The following PLXNA4 variants were observed in gnomAD, a reference collection of about 807,000 sequenced individuals.
PLXNA4 encodes plexin-A4.
A neutral mutation model predicts 191.8 loss-of-function variants in PLXNA4; 44 were observed. The observed-to-expected ratio is 0.23, with a 90% CI of 0.18 to 0.29. PLXNA4 has a LOEUF of 0.29. PLXNA4 is among the 10% of genes least tolerant of loss of function. The probability of loss-of-function intolerance (pLI) is 1.00; values close to 1 mark genes in which losing one functional copy is unlikely to be tolerated. For missense variants in PLXNA4, 1,800 were observed against 2,488.8 expected (o/e 0.72, Z 5.89); for synonymous variants, 1,082 against 1,009.5 (o/e 1.07, Z -1.36).
At position 132,124,967 on chromosome 7, in the gene PLXNA4, T is replaced by G. The variant is rs1794728862; in HGVS notation, c.*5512A>C. ...TGTATTTCTCTTACAACCAAAAAATTCTATATACTTTTAAAACTTGGATAC... is the reference window on the plus strand; with the variant it reads ...TGTATTTCTCTTACAACCAAAAAATGCTATATACTTTTAAAACTTGGATAC... On this transcript the variant is annotated 3_prime_UTR_variant, in exon 32 of 32. Coordinates refer to ENST00000321063, the MANE Select transcript of PLXNA4 (RefSeq NM_020911.2). The G allele has an allele frequency of 6.6e-6, 1 of 151,588 alleles. No individual in the cohort carries two copies. Among genetic ancestry groups the G allele is most frequent in the Non-Finnish European group, 1.5e-5 (1 of 67,982 alleles). The allele number at this position is 151,588 out of a possible 1,614,324, so 9.4% of individuals were successfully genotyped here. A position where few individuals can be genotyped will look rare whatever the true frequency, so the allele number is the denominator to read the frequency against.
intron 3 of PLXNA4, among the ~76,000 whole-genome samples, chr7:132,323,068 T>C (rs1034325182): frequency 2.0e-5 from 3 of 152,158 alleles, no homozygotes; most frequent in Non-Finnish European, 4.4e-5. Flanking sequence ...TAATGGAAAT[T>C]CACAGAGGGA....
At position 132,228,618 on chromosome 7, in the gene PLXNA4, C is replaced by T. The variant is rs1798416671; in HGVS notation, c.1605-149G>A. The T allele has an allele frequency of 3.9e-6, 4 of 1,012,992 alleles. No individual in the cohort carries two copies. The South Asian group carries it at 5.2e-5, about 13-fold the overall frequency. 62.8% of individuals were successfully genotyped at this position (1,012,992 alleles called of 1,614,324 possible). ...AACCTTTTTGTGTCCTTCCTCAAGC[C>T]TGGTCCTCCTCCATCATTCCCAAAT... On this transcript the variant is annotated intron_variant, in intron 5 of 31. Transcript: ENST00000321063.
intron 22 of PLXNA4, among the ~76,000 whole-genome samples, chr7:132,167,044 C>CAGGCAGACAGG (rs1796143769): frequency 1.3e-5 from 2 of 152,122 alleles, no homozygotes; most frequent in Non-Finnish European, 2.9e-5. Flanking sequence ...GTCTGGGGGA[C>CAGGCAGACAGG]AGGCAGACAG....
chr7:132,634,110 C>T (rs1406810079), intron 2 of PLXNA4, among the ~76,000 whole-genome samples: 1 of 152,104 alleles, frequency 6.6e-6, no homozygotes, highest in Non-Finnish European at 1.5e-5. Context: ...AGCCTGGAGC[C>T]TCATTCCTTA....
intron 1 of PLXNA4, among the ~76,000 whole-genome samples, chr7:132,562,449 CCTCCTT>C (rs1801235003): frequency 1.0e-5 from 1 of 95,784 alleles, no homozygotes; most frequent in South Asian, 5.9e-4. Flanking sequence ...TCATCCTCCT[CCTCCTT>C]CTCCTCCTCC....
intron 31 of PLXNA4, among the ~76,000 whole-genome samples, chr7:132,131,755 C>A (rs1794933927): frequency 1.3e-5 from 2 of 152,244 alleles, no homozygotes; most frequent in Non-Finnish European, 2.9e-5. Flanking sequence ...CTATAGCATC[C>A]TTATTATCTT....
At chr7:132,513,401 T>C (rs73158867) in intron 1 of PLXNA4, among the ~76,000 whole-genome samples, 5,642 of 152,292 alleles carry the variant, frequency 0.037, 157 homozygotes, top group Non-Finnish European at 0.058. Context: ...TCTTTAAAGA[T>C]AAGGAAACCA....
intron 1 of PLXNA4, among the ~76,000 whole-genome samples, chr7:132,514,218 A>AT (rs1463126708): frequency 1.8e-4 from 27 of 151,332 alleles, no homozygotes; most frequent in African/African-American, 6.5e-4. Context: ...TGCTTGGCTA[A>AT]TTTTTTGTAT....
At chr7:132,358,911 C>G (rs555719281) in intron 3 of PLXNA4, among the ~76,000 whole-genome samples, 156 of 152,218 alleles carry the variant, frequency 1.0e-3, no homozygotes, top group African/African-American at 3.5e-3. Flanking sequence ...CAGGGTCTTG[C>G]AGGCTACATA....
At chr7:132,564,092 TCC>T (rs1459926774) in intron 1 of PLXNA4, among the ~76,000 whole-genome samples, 2 of 123,646 alleles carry the variant, frequency 1.6e-5, no homozygotes, top group African/African-American at 3.2e-5. Context: ...CTTCTCTTCC[TCC>T]TCCTCCTCCT....
At chr7:132,220,479 A>C (rs1798106368) in intron 9 of PLXNA4, among the ~76,000 whole-genome samples, 1 of 152,180 alleles carries the variant, frequency 6.6e-6, no homozygotes, top group African/African-American at 2.4e-5. Flanking sequence ...GGCATGGGCG[A>C]TTCCAAACTA....
At chr7:132,421,230 C>T (rs1794840270) in intron 3 of PLXNA4, among the ~76,000 whole-genome samples, 1 of 152,204 alleles carries the variant, frequency 6.6e-6, no homozygotes, top group African/African-American at 2.4e-5. Flanking sequence ...ACTTAAACCT[C>T]ATGTTTTCGA....
At chr7:132,551,979 G>C (rs1016494070) in intron 1 of PLXNA4, among the ~76,000 whole-genome samples, 2 of 152,174 alleles carry the variant, frequency 1.3e-5, no homozygotes, top group Non-Finnish European at 2.9e-5. Context: ...GTCAGGGCCA[G>C]GTTGAAGGGG....
intron 24 of PLXNA4, among the ~76,000 whole-genome samples, chr7:132,163,869 T>C (rs929718930): frequency 2.0e-5 from 3 of 152,260 alleles, no homozygotes; most frequent in Admixed American, 2.0e-4. Flanking sequence ...TTTGACCCTA[T>C]AACTGGTGTG....
chr7:132,421,296 A>G (rs1350426834), intron 3 of PLXNA4, among the ~76,000 whole-genome samples: 1 of 152,212 alleles, frequency 6.6e-6, no homozygotes, highest in Non-Finnish European at 1.5e-5. Context: ...AGGCTAAATA[A>G]GAGAACACTC....
intron 3 of PLXNA4, among the ~76,000 whole-genome samples, chr7:132,335,319 T>C (rs889968474): frequency 4.6e-5 from 7 of 152,162 alleles, no homozygotes; most frequent in Non-Finnish European, 8.8e-5. Flanking sequence ...CAGCATCTCT[T>C]TTCTGTAATA....
chr7:132,261,871 G>T (rs759027748), intron 4 of PLXNA4, among the ~76,000 whole-genome samples: 1 of 152,156 alleles, frequency 6.6e-6, no homozygotes, highest in Non-Finnish European at 1.5e-5. Flanking sequence ...GTATACTGTG[G>T]CTCTGTGAGC....
chr7:132,241,943 T>C (rs1798892711), intron 4 of PLXNA4, among the ~76,000 whole-genome samples: 1 of 152,214 alleles, frequency 6.6e-6, no homozygotes, highest in South Asian at 2.1e-4. Context: ...GCCCAAATGC[T>C]TCCATTTCCT....
At chr7:132,220,950 C>A (rs1264501143) in intron 9 of PLXNA4, among the ~76,000 whole-genome samples, 1 of 151,364 alleles carries the variant, frequency 6.6e-6, no homozygotes, top group East Asian at 2.0e-4. Context: ...GTAGCTGGGA[C>A]TACAGACAGG....
Sources: gnomAD v4.1 joint callset for allele counts (sites outside exome capture counted in the v4.1 genomes callset) on GRCh38, gnomAD v4.1.1 for gene constraint, MANE v1.5 for transcripts, NCBI Gene and HGNC (gene_info 2026-07-23, HGNC 2026-07-21) for gene names.